Variants in NEK4 observed in about 807,000 individuals in gnomAD.
NEK4 encodes the protein NIMA related kinase 4.
A neutral mutation model predicts 98.4 loss-of-function variants in NEK4; 86 were observed. The ratio of observed to expected loss-of-function variants is 0.87; its 90% confidence interval spans 0.73 to 1.05. The LOEUF is 1.05. Among genes scored for constraint, NEK4 ranks in the 50% least tolerant of loss-of-function variants. The probability of loss-of-function intolerance (pLI) is 0.00; values close to 1 mark genes in which losing one functional copy is unlikely to be tolerated. For synonymous variants in NEK4, 328 were observed against 342.2 expected, an observed-to-expected ratio of 0.96 and a Z score of 0.46; for missense variants, 898 against 950.3, an observed-to-expected ratio of 0.94 and a Z score of 0.72.
intron 5 of NEK4, among the ~76,000 whole-genome samples, chr3:52,761,862 G>C (rs1189892501): frequency 6.6e-6 from 1 of 152,082 alleles, no homozygotes; most frequent in African/African-American, 2.4e-5. Flanking sequence ...AAACTGATTG[G>C]TACACTTAGT....
At chr3:52,760,666 C>A in intron 6 of NEK4, 129 bp downstream of exon 6, 1 of 730,852 alleles carries the variant, frequency 1.4e-6, no homozygotes, top group South Asian at 1.7e-5. Flanking sequence ...TCTTTCTTTA[C>A]AGTAAGGAAT....
chr3:52,764,188 G>A (rs1698463364), intron 4 of NEK4, among the ~76,000 whole-genome samples: 1 of 151,906 alleles, frequency 6.6e-6, no homozygotes, highest in Non-Finnish European at 1.5e-5. Flanking sequence ...TCAGGAGGCT[G>A]AGGCAGGGGA....
Position 52,763,458 on chromosome 3 carries a change from GA to G in NEK4, c.821+11del, listed in dbSNP as rs765144442. On this transcript the variant is annotated intron_variant, in intron 5 of 15. Transcript: ENST00000233027. ...CTATTTAGCCCAGCTATTTGCAAGGGAAGTATCTTACATCTTTGTGGCCTCC... is the reference window on the plus strand; with the variant it reads ...CTATTTAGCCCAGCTATTTGCAAGGGAGTATCTTACATCTTTGTGGCCTCC... The G allele has an allele frequency of 6.2e-7, 1 of 1,607,842 alleles. No individual in the cohort carries two copies. The highest frequency in any genetic ancestry group is 8.5e-7 in the Non-Finnish European group (1 of 1,176,662).
At chr3:52,757,045 G>C (rs1273698652) in intron 6 of NEK4, among the ~76,000 whole-genome samples, 1 of 152,148 alleles carries the variant, frequency 6.6e-6, no homozygotes, top group Non-Finnish European at 1.5e-5. Context: ...AAACTACAAT[G>C]AGATACCACC....
chr3:52,730,472 A>G (rs2097368555), intron 15 of NEK4, among the ~76,000 whole-genome samples: 1 of 152,224 alleles, frequency 6.6e-6, no homozygotes, highest in African/African-American at 2.4e-5. Context: ...GGGGCCAGAC[A>G]GGGACACTAC....
In NEK4 at chr3:52,770,874, G is replaced by C. The variant is rs1466413168; in HGVS notation, c.-128C>G. On this transcript the variant is annotated 5_prime_UTR_variant, in exon 1 of 16. Coordinates refer to ENST00000233027, the MANE Select transcript of NEK4 (RefSeq NM_003157.6). ...CGGCTGTTGAGGCAGCCGGGCCCGG[G>C]CGGGATTGCTGGGGCCCGGCCCGCG... The C allele has an allele frequency of 1.3e-6, 1 of 797,076 alleles. No individual in the cohort carries two copies. Among genetic ancestry groups the C allele is most frequent in the African/African-American group, 2.0e-5 (1 of 49,014 alleles). 49.4% of individuals were successfully genotyped at this position (797,076 alleles called of 1,614,324 possible). A position where few individuals can be genotyped will look rare whatever the true frequency, so the allele number is the denominator to read the frequency against.
At chr3:52,762,083 T>C (rs1698378713) in intron 5 of NEK4, among the ~76,000 whole-genome samples, 1 of 152,174 alleles carries the variant, frequency 6.6e-6, no homozygotes, top group Non-Finnish European at 1.5e-5. Flanking sequence ...CTCCTCTCTT[T>C]CCAAATTTAA....
chr3:52,744,775 G>C (rs1208837395), intron 10 of NEK4, among the ~76,000 whole-genome samples: 2 of 151,516 alleles, frequency 1.3e-5, no homozygotes, highest in Non-Finnish European at 2.9e-5. Context: ...ACTTAGAGGA[G>C]TGTCCATTGG....
intron 9 of NEK4, 82 bp downstream of exon 9, chr3:52,746,652 C>A: frequency 1.6e-6 from 2 of 1,238,594 alleles, no homozygotes; most frequent in Non-Finnish European, 2.3e-6. Context: ...TTCTTACATG[C>A]CTTTTTGGCA....
At chr3:52,754,461 T>C (rs1322643926) in intron 6 of NEK4, 1 of 631,980 alleles carries the variant, frequency 1.6e-6, no homozygotes, top group East Asian at 3.7e-5. Context: ...AGTAAAGTGG[T>C]TGACAGTGTT....
intron 4 of NEK4, among the ~76,000 whole-genome samples, chr3:52,764,954 A>G (rs1298578798): frequency 6.6e-6 from 1 of 152,172 alleles, no homozygotes; most frequent in Non-Finnish European, 1.5e-5. Context: ...ATTATGGGAA[A>G]ATTTTACTTT....
intron 15 of NEK4, among the ~76,000 whole-genome samples, chr3:52,736,105 G>GA (rs2097375459): frequency 6.6e-6 from 1 of 152,158 alleles, no homozygotes; most frequent in South Asian, 2.1e-4. Flanking sequence ...TAAATCAAAT[G>GA]AAACAAGCCC....
intron 7 of NEK4, among the ~76,000 whole-genome samples, chr3:52,750,296 C>T (rs2097402920): frequency 6.6e-6 from 1 of 152,096 alleles, no homozygotes; most frequent in African/African-American, 2.4e-5. Context: ...ACCTGTAATC[C>T]CAGCACTTTG....
rs540877754 is a variant in NEK4, at chr3:52,710,727, A to C, written c.*1050T>G. ...CAGTGAGTTGAGATCATGCCACTGC[A>C]CTCCAGCCTGACTGACAGAGTGAAA... On this transcript the variant is annotated 3_prime_UTR_variant, in exon 16 of 16. Coordinates refer to ENST00000233027, the MANE Select transcript of NEK4 (RefSeq NM_003157.6). The C allele has an allele frequency of 1.1e-3, 171 of 152,046 alleles. No individual in the cohort carries two copies. The highest frequency in any genetic ancestry group is 3.7e-3 in the African/African-American group (153 of 41,484). The allele number at this position is 152,046 out of a possible 1,614,324, so 9.4% of individuals were successfully genotyped here.
Position 52,753,631 on chromosome 3 carries a change from GAA to G in NEK4, c.964-1297_964-1296del. On this transcript the variant is annotated intron_variant, in intron 6 of 15. Coordinates refer to ENST00000233027, the MANE Select transcript of NEK4 (RefSeq NM_003157.6). ...CCAGTCTTTGATGAACTATGCCAAA[GAA>G]ACAGCTGCCTTCTATTCCCAAAAAT... The G allele has an allele frequency of 5.1e-6, 3 of 586,128 alleles. No homozygotes were observed. The East Asian group carries it at 1.4e-4, about 26-fold the overall frequency. 36.3% of individuals were successfully genotyped at this position (586,128 alleles called of 1,614,324 possible).
chr3:52,752,241 C>G lies in NEK4; in HGVS notation c.1059G>C (p.Leu353Phe). The G allele has an allele frequency of 6.2e-7, 1 of 1,614,196 alleles. No individual in the cohort carries two copies. Among genetic ancestry groups the G allele is most frequent in the Non-Finnish European group, 8.5e-7 (1 of 1,180,036 alleles). Residue 353 changes from leucine to phenylalanine, a missense_variant, in exon 7 of 16, where the codon TTG becomes TTC. By Grantham distance (22) the Leu-to-Phe change is conservative. Coordinates refer to ENST00000233027, the MANE Select transcript of NEK4 (RefSeq NM_003157.6). The stretch of plus-strand genomic sequence containing the variant: ...TTGTGGCTAGTTCTGTGGTATTGCT[C>G]AAGTCCTGTTTGCAGGTATGGGCTT... Reference protein sequence around the residue: ...SLKAHTCKQDLSNTTELATIS... With the variant: ...SLKAHTCKQDFSNTTELATIS...
Position 52,766,159 on chromosome 3 carries a change from A to T in NEK4, c.558+19T>A. On this transcript the variant is annotated intron_variant, in intron 3 of 15. Transcript: ENST00000233027. ...TCTCCCAGAGACAAGGTAAGCCAGC[A>T]TACAGAGCCCAATCCTACCTTATAG... 1 of 1,608,334 alleles carries T rather than the reference A, an allele frequency of 6.2e-7. No homozygotes were observed. The highest frequency in any genetic ancestry group is 8.5e-7 in the Non-Finnish European group (1 of 1,175,122).
At chr3:52,750,502 G>T (rs1263015141) in intron 7 of NEK4, among the ~76,000 whole-genome samples, 1 of 152,148 alleles carries the variant, frequency 6.6e-6, no homozygotes, top group Non-Finnish European at 1.5e-5. Context: ...AGCTGAGATC[G>T]TGCCACTGTA....
chr3:52,720,910 A>T (rs976857213), intron 15 of NEK4, among the ~76,000 whole-genome samples: 1 of 152,252 alleles, frequency 6.6e-6, no homozygotes, highest in African/African-American at 2.4e-5. Context: ...ACTGTATGAA[A>T]CAATACTATA....
Sources: allele counts gnomAD v4.1 joint callset (sites outside exome capture counted in the v4.1 genomes callset), GRCh38; gene constraint gnomAD v4.1.1; transcripts MANE v1.5; gene names NCBI Gene and HGNC (gene_info 2026-07-23, HGNC 2026-07-21).